The following ZC3H6 variants were observed in gnomAD, a reference collection of about 807,000 sequenced individuals.
ZC3H6 encodes zinc finger CCCH domain-containing protein 6.
ZC3H6 carries 40 observed loss-of-function variants against 107.7 expected under a neutral mutation model. The ratio of observed to expected loss-of-function variants is 0.37; its 90% CI spans 0.29 to 0.48. ZC3H6 has a LOEUF of 0.48. Ranked by LOEUF, ZC3H6 falls within the 20% of genes least tolerant of loss-of-function variation. The pLI is 0.98. For missense variants in ZC3H6, 1,267 were observed against 1,410.4 expected (o/e 0.90, Z 1.63); for synonymous variants, 493 against 487.9 (o/e 1.01, Z -0.14).
At chr2:112,280,224 T>C (rs1686501776) in intron 1 of ZC3H6, among the ~76,000 whole-genome samples, 1 of 152,230 alleles carries the variant, frequency 6.6e-6, no homozygotes, top group South Asian at 2.1e-4. Context: ...ATTAGTATGT[T>C]CCGTGGAGTA....
At chr2:112,302,072 C>G (rs980608885) in intron 2 of ZC3H6, among the ~76,000 whole-genome samples, 1 of 151,834 alleles carries the variant, frequency 6.6e-6, no homozygotes, top group East Asian at 1.9e-4. Context: ...TGTAATCTAC[C>G]CTACCAAGAA....
chr2:112,320,081 C>T (rs1676773067), intron 7 of ZC3H6, among the ~76,000 whole-genome samples: 1 of 152,040 alleles, frequency 6.6e-6, no homozygotes, highest in Non-Finnish European at 1.5e-5. Flanking sequence ...TACAGGCATG[C>T]ACCACCACGC....
rs1677089029 is a variant in ZC3H6, at chr2:112,333,935, G to C, written c.*1447G>C. On this transcript the variant is annotated 3_prime_UTR_variant, in exon 12 of 12. Coordinates refer to ENST00000409871, the MANE Select transcript of ZC3H6 (RefSeq NM_198581.3). Reference sequence around the variant, plus strand: ...ACATAGCATATGGTTTATTAATAATGCATATCCTTTCTAATCACTTCTTCA... The same window carrying C: ...ACATAGCATATGGTTTATTAATAATCCATATCCTTTCTAATCACTTCTTCA... 1 of 151,986 alleles carries C rather than the reference G, an allele frequency of 6.6e-6. No homozygotes were observed. The allele number at this position is 151,986 out of a possible 1,614,324, so 9.4% of individuals were successfully genotyped here. A position where few individuals can be genotyped will look rare whatever the true frequency, so the allele number is the denominator to read the frequency against.
Position 112,324,311 on chromosome 2 carries a change from A to C in ZC3H6, c.1500A>C (p.Gly500=). 6.2e-7 allele frequency: 1 copy of C among 1,614,002 alleles called. No individual in the cohort carries two copies. Among genetic ancestry groups the C allele is most frequent in the Non-Finnish European group, 8.5e-7 (1 of 1,179,868 alleles). Residue 500 remains glycine (G), a synonymous_variant, in exon 10 of 12, where the codon GGA becomes GGC. Coordinates refer to ENST00000409871, the MANE Select transcript of ZC3H6 (RefSeq NM_198581.3). ...CTGTGATGCACCCAGGCTCCCCTGG[A>C]CATCACCCATGTGCAGGACCTCCTG... is the stretch of plus-strand genomic sequence containing the variant. The part of the protein sequence containing the change: ...SSPVMHPGSP[G]HHPCAGPPGL...
chr2:112,314,840 A>T (rs769410147), intron 5 of ZC3H6, among the ~76,000 whole-genome samples: 29 of 152,164 alleles, frequency 1.9e-4, no homozygotes, highest in Non-Finnish European at 3.1e-4. Context: ...AAGCAATTTC[A>T]TTGTGTTTTC....
chr2:112,322,926 A>G lies in ZC3H6; in HGVS notation c.1340+24A>G, dbSNP rs368235749. On this transcript the variant is annotated intron_variant, in intron 9 of 11. Coordinates refer to ENST00000409871, the MANE Select transcript of ZC3H6 (RefSeq NM_198581.3). ...AAGTAAGTGAAAAACTTTCAAAATG[A>G]CATCAAATATTTTTTTCTGAAAATT... The G allele has an allele frequency of 1.5e-5, 24 of 1,557,344 alleles. No individual in the cohort carries two copies. In the African/African-American group the frequency reaches 2.2e-4, roughly 14 times the overall value.
chr2:112,287,662 C>T (rs1324737572), intron 1 of ZC3H6, among the ~76,000 whole-genome samples: 1 of 152,006 alleles, frequency 6.6e-6, no homozygotes, highest in South Asian at 2.1e-4. Flanking sequence ...GGTGCAGTGG[C>T]ACGATCTCAG....
chr2:112,282,527 C>G (rs1210607806), intron 1 of ZC3H6, among the ~76,000 whole-genome samples: 2 of 152,300 alleles, frequency 1.3e-5, no homozygotes, highest in African/African-American at 4.8e-5. Flanking sequence ...GGCACCCTTT[C>G]TACAGATGAG....
At chr2:112,302,601 CA>C (rs1216189742) in intron 2 of ZC3H6, among the ~76,000 whole-genome samples, 3 of 152,022 alleles carry the variant, frequency 2.0e-5, no homozygotes, top group Admixed American at 6.6e-5. Context: ...TCATTCTGAC[CA>C]GATGGAGGAG....
intron 11 of ZC3H6, 54 bp downstream of exon 11, chr2:112,325,251 T>G: frequency 2.0e-6 from 3 of 1,533,838 alleles, no homozygotes; most frequent in Non-Finnish European, 1.8e-6. Context: ...TTAAAATTTT[T>G]AAATGGCCGA....
rs771478806 is a variant in ZC3H6 at position 112,276,017 on chromosome 2, G to A, written c.23G>A (p.Gly8Glu). Reference protein sequence around the residue: MTDSEHAGHDREDGELED... With the variant: MTDSEHAEHDREDGELED... ...AACATGACAGACTCTGAACATGCAGGGCACGACAGGTCGGGAACCCTTCTT... is the reference window on the plus strand; with the variant it reads ...AACATGACAGACTCTGAACATGCAGAGCACGACAGGTCGGGAACCCTTCTT... The change falls in exon 1 of 12, where the codon GGG becomes GAG. Residue 8 changes from glycine (G) to glutamate (E), a missense_variant. Gly to Glu is a moderately conservative substitution (Grantham distance 98). Around this residue, in one of 3 missense-constraint regions of ZC3H6, gnomAD observed 337 missense variants for 361.2 expected, o/e 0.93. Transcript: ENST00000409871. 1.3e-6 allele frequency: 2 copies of A among 1,541,554 alleles called. No individual in the cohort carries two copies. Among genetic ancestry groups the A allele is most frequent in the Non-Finnish European group, 8.7e-7 (1 of 1,143,242 alleles).
chr2:112,334,265 A>G lies in ZC3H6; in HGVS notation c.*1777A>G, dbSNP rs950135937. The stretch of plus-strand genomic sequence containing the variant: ...ACTGACAGAAAAAAAACATATATAT[A>G]TATCCCAAGGTGTAATTTACTCTTT... On this transcript the variant is annotated 3_prime_UTR_variant, in exon 12 of 12. Transcript: ENST00000409871. 1.3e-5 allele frequency: 2 copies of G among 152,112 alleles called. No homozygotes were observed. The highest frequency in any genetic ancestry group is 4.8e-5 in the African/African-American group (2 of 41,454). The allele number at this position is 152,112 out of a possible 1,614,324, so 9.4% of individuals were successfully genotyped here.
intron 1 of ZC3H6, among the ~76,000 whole-genome samples, chr2:112,288,144 T>C (rs1462591069): frequency 1.3e-5 from 2 of 152,172 alleles, no homozygotes; most frequent in Non-Finnish European, 2.9e-5. Context: ...TGCATAGAGA[T>C]GGAATAAAGT....
chr2:112,283,601 C>A (rs141191498), intron 1 of ZC3H6, among the ~76,000 whole-genome samples: 2,493 of 152,256 alleles, frequency 0.016, 70 homozygotes, highest in African/African-American at 0.057. Context: ...TCCATAACTT[C>A]ATTTGGTAGT....
In ZC3H6 at chr2:112,332,372, A is replaced by G; in HGVS notation, c.3454A>G (p.Arg1152Gly). 6.2e-7 allele frequency: 1 copy of G among 1,613,922 alleles called. No homozygotes were observed. Among genetic ancestry groups the G allele is most frequent in the Non-Finnish European group, 8.5e-7 (1 of 1,179,884 alleles). Reference protein sequence around the residue: ...RPQYSDPRQARQPGQGSPTPD... With the variant: ...RPQYSDPRQAGQPGQGSPTPD... ...ACAGTACAGTGATCCAAGGCAGGCA[A>G]GGCAGCCAGGACAGGGGAGCCCGAC... Residue 1152 changes from arginine to glycine, a missense_variant, in exon 12 of 12, where the codon AGG (arginine) becomes GGG (glycine). Around this residue, in one of 3 missense-constraint regions of ZC3H6, gnomAD observed 925 missense variants for 1,025.7 expected, o/e 0.90. Transcript: ENST00000409871.
At chr2:112,312,519 T>C (rs1326668183) in intron 5 of ZC3H6, among the ~76,000 whole-genome samples, 1 of 152,210 alleles carries the variant, frequency 6.6e-6, no homozygotes, top group Non-Finnish European at 1.5e-5. Context: ...GTTCTACTAC[T>C]GTTCTAGTAA....
Position 112,330,995 on chromosome 2 carries a change from CT to C in ZC3H6, c.2087-9del. 2 of 1,366,928 alleles carry C rather than the reference CT, an allele frequency of 1.5e-6. No individual in the cohort carries two copies. Among genetic ancestry groups the C allele is most frequent in the Non-Finnish European group, 1.9e-6 (2 of 1,056,292 alleles). The allele number at this position is 1,366,928 out of a possible 1,614,324, so 84.7% of individuals were successfully genotyped here. ...TATAAAGTTTATAATAAGTTTTTGT[CT>C]GCATTTAGATGATACAGTTAACTGG... is the stretch of plus-strand genomic sequence containing the variant. On this transcript the variant is annotated splice_polypyrimidine_tract_variant and intron_variant, in intron 11 of 11. Transcript: ENST00000409871.
rs1369422023 is a variant in ZC3H6, at chr2:112,334,055, G to T, written c.*1567G>T. ...GAAGTTCATTGTGTTCTAAGTGGAAGGAGAGTTACTGAAGGGAATGTGAAT... is the reference window on the plus strand; with the variant it reads ...GAAGTTCATTGTGTTCTAAGTGGAATGAGAGTTACTGAAGGGAATGTGAAT... On this transcript the variant is annotated 3_prime_UTR_variant, in exon 12 of 12. Transcript: ENST00000409871. 1.3e-5 allele frequency: 2 copies of T among 152,072 alleles called. No homozygotes were observed. The highest frequency in any genetic ancestry group is 2.4e-5 in the African/African-American group (1 of 41,426). The allele number at this position is 152,072 out of a possible 1,614,324, so 9.4% of individuals were successfully genotyped here. A position where few individuals can be genotyped will look rare whatever the true frequency, so the allele number is the denominator to read the frequency against.
At chr2:112,326,292 A>G (rs893191204) in intron 11 of ZC3H6, among the ~76,000 whole-genome samples, 1 of 152,060 alleles carries the variant, frequency 6.6e-6, no homozygotes, top group Admixed American at 6.6e-5. Context: ...TTGTGCTATC[A>G]AATACTAGGT....
Sources: allele counts gnomAD v4.1 joint callset (sites outside exome capture counted in the v4.1 genomes callset), GRCh38; gene constraint gnomAD v4.1.1; regional missense constraint gnomAD v4.1.1; transcripts MANE v1.5; gene names NCBI Gene and HGNC (gene_info 2026-07-23, HGNC 2026-07-21).